The following COLEC11 variants were observed in gnomAD, a reference collection of about 807,000 sequenced individuals.
COLEC11 encodes the protein collectin subfamily member 11.
Under a neutral mutation model 27.3 loss-of-function variants are expected in COLEC11, and 20 were observed. That is an observed-to-expected ratio of 0.73 (90% CI 0.51 to 1.06). The LOEUF is 1.06. Ranked by LOEUF, COLEC11 falls within the 50% of genes least tolerant of loss-of-function variation. The pLI is 0.00. For synonymous variants in COLEC11, 163 were observed against 154.7 expected, an observed-to-expected ratio of 1.05 and a Z score of -0.40; for missense variants, 310 against 383.0, an observed-to-expected ratio of 0.81 and a Z score of 1.59.
At chr2:3,608,291 A>G (rs1662897195) in intron 2 of COLEC11, among the ~76,000 whole-genome samples, 1 of 152,242 alleles carries the variant, frequency 6.6e-6, no homozygotes, top group African/African-American at 2.4e-5. Flanking sequence ...GTGAGCCAGC[A>G]GTTGAAATGT....
rs757665386 is a variant in COLEC11 at position 3,644,171 on chromosome 2, C to T, written c.*53C>T. 32 of 1,597,112 alleles carry T rather than the reference C, an allele frequency of 2.0e-5. No homozygotes were observed. The East Asian group carries it at 6.5e-4, about 32-fold the overall frequency. On this transcript the variant is annotated 3_prime_UTR_variant, in exon 7 of 7. Transcript: ENST00000349077. ...GCCCCACATGTCCCTGCAGGGTTGG[C>T]AGGGACAGAGCCCAGACCATGGTGC...
intron 3 of COLEC11, among the ~76,000 whole-genome samples, chr2:3,615,309 TG>T (rs2147888901): frequency 6.6e-6 from 1 of 152,278 alleles, no homozygotes; most frequent in South Asian, 2.1e-4. Context: ...TTTGTGTCCC[TG>T]GGTACTTGAG....
At chr2:3,609,890 C>T (rs1454354073) in intron 2 of COLEC11, among the ~76,000 whole-genome samples, 1 of 152,308 alleles carries the variant, frequency 6.6e-6, no homozygotes, top group East Asian at 1.9e-4. Context: ...TCTCAAACTC[C>T]TGCCTTTAAA....
intron 3 of COLEC11, chr2:3,625,878 C>T (rs1398610892): frequency 1.0e-5 from 8 of 774,548 alleles, no homozygotes; most frequent in Non-Finnish European, 1.8e-5. Flanking sequence ...AGAGATCCGC[C>T]TACCTTGGCC....
intron 5 of COLEC11, among the ~76,000 whole-genome samples, chr2:3,642,293 C>T (rs1192881795): frequency 6.6e-6 from 1 of 152,292 alleles, no homozygotes; most frequent in Admixed American, 6.5e-5. Flanking sequence ...AGATGTGATG[C>T]AGGGATAGGA....
chr2:3,638,763 A>G (rs556141339), intron 4 of COLEC11, among the ~76,000 whole-genome samples: 200 of 152,350 alleles, frequency 1.3e-3, no homozygotes, highest in African/African-American at 4.7e-3. Context: ...AGAGAACCAC[A>G]GGATCTGGAG....
intron 3 of COLEC11, among the ~76,000 whole-genome samples, chr2:3,625,843 C>T (rs1664516496): frequency 2.0e-5 from 3 of 152,060 alleles, no homozygotes; most frequent in Middle Eastern, 3.2e-3. Flanking sequence ...ACATTGGCCA[C>T]ACTGGTCTTG....
chr2:3,623,343 A>T (rs2147914664), intron 3 of COLEC11, among the ~76,000 whole-genome samples: 1 of 152,294 alleles, frequency 6.6e-6, no homozygotes, highest in Non-Finnish European at 1.5e-5. Context: ...CCAAGTTTGG[A>T]AAGTTTTTTA....
chr2:3,614,436 G>A (rs1426384242), intron 3 of COLEC11, among the ~76,000 whole-genome samples: 1 of 151,986 alleles, frequency 6.6e-6, no homozygotes, highest in Non-Finnish European at 1.5e-5. Flanking sequence ...CGTTTTTGAG[G>A]TATAATTTAT....
chr2:3,604,293 G>C, intron 1 of COLEC11, 22 bp from the exon 2 acceptor site: 2 of 1,613,850 alleles, frequency 1.2e-6, no homozygotes, highest in Non-Finnish European at 1.7e-6. Flanking sequence ...TCCCATCACT[G>C]TTTATTCCTT....
At position 3,595,138 on chromosome 2, in the gene COLEC11, A is replaced by T. The variant is rs529098931; in HGVS notation, c.-57A>T. 5.7e-6 allele frequency: 2 copies of T among 353,104 alleles called. No homozygotes were observed. Among genetic ancestry groups the T allele is most frequent in the Admixed American group, 6.8e-5 (2 of 29,216 alleles). 21.9% of individuals were successfully genotyped at this position (353,104 alleles called of 1,614,324 possible). A position where few individuals can be genotyped will look rare whatever the true frequency, so the allele number is the denominator to read the frequency against. On this transcript the variant is annotated 5_prime_UTR_variant, in exon 1 of 7. Transcript: ENST00000349077. ...GTGTCCTCGCGGGCCAGCGACGGGC[A>T]GGACGCCCCGTTCGCCTAGCGCGTG...
At chr2:3,627,764 A>G (rs1170948073) in intron 3 of COLEC11, among the ~76,000 whole-genome samples, 5 of 151,458 alleles carry the variant, frequency 3.3e-5, no homozygotes, top group East Asian at 2.0e-4. Context: ...GATGCTGGGC[A>G]TGACAACAGC....
At chr2:3,628,239 TC>T (rs35529155) in intron 3 of COLEC11, among the ~76,000 whole-genome samples, 74,578 of 152,188 alleles carry the variant, frequency 0.49, 20,560 homozygotes, top group South Asian at 0.66. Flanking sequence ...CATCCTCCCT[TC>T]CCCAGGTGAA....
chr2:3,605,700 C>T, intron 2 of COLEC11: 1 of 207,432 alleles, frequency 4.8e-6, no homozygotes, highest in Non-Finnish European at 9.9e-6. Context: ...TGTGGAGCGT[C>T]TGCGGCTCTT....
At chr2:3,606,536 T>G (rs1662715474) in intron 2 of COLEC11, among the ~76,000 whole-genome samples, 1 of 152,176 alleles carries the variant, frequency 6.6e-6, no homozygotes, top group Non-Finnish European at 1.5e-5. Flanking sequence ...CTTGGGGCTC[T>G]GTGGGGATGC....
chr2:3,615,831 GCGGCGGC>G (rs764744514), intron 3 of COLEC11, among the ~76,000 whole-genome samples: 8,739 of 37,166 alleles, frequency 0.24, 495 homozygotes, highest in African/African-American at 0.3. Flanking sequence ...CCTCCCGGAC[GCGGCGGC>G]TGGCCGGGCA....
At chr2:3,643,618 T>A in intron 6 of COLEC11, 79 bp downstream of exon 6, 1 of 1,591,212 alleles carries the variant, frequency 6.3e-7, no homozygotes, top group Non-Finnish European at 8.6e-7. Context: ...GGCTCTGCCG[T>A]GCCCACGCCT....
chr2:3,641,292 G>C (rs1238126145), intron 5 of COLEC11: 1 of 1,303,918 alleles, frequency 7.7e-7, no homozygotes, highest in Non-Finnish European at 1.0e-6. Context: ...AGGTGTGCTT[G>C]CCGGTGTGAC....
At chr2:3,638,914 C>T (rs1558518704) in intron 4 of COLEC11, among the ~76,000 whole-genome samples, 1 of 152,198 alleles carries the variant, frequency 6.6e-6, no homozygotes, top group Non-Finnish European at 1.5e-5. Flanking sequence ...CCACTATTTC[C>T]AAACCCTTTT....
Sources: gnomAD v4.1 joint callset for allele counts (sites outside exome capture counted in the v4.1 genomes callset) on GRCh38, gnomAD v4.1.1 for gene constraint, MANE v1.5 for transcripts, NCBI Gene and HGNC (gene_info 2026-07-23, HGNC 2026-07-21) for gene names.